The following ANXA4 variants were observed in gnomAD, a reference collection of about 807,000 sequenced individuals.
ANXA4 encodes 35-beta calcimedin.
In ANXA4, 39 loss-of-function variants were observed where a neutral mutation model predicts 49.8. That is an observed-to-expected ratio of 0.78 (90% CI 0.61 to 1.02). The LOEUF (loss-of-function observed/expected upper bound fraction) is 1.02. ANXA4 is among the 50% of genes least tolerant of loss of function. The pLI is 0.00. For synonymous variants in ANXA4, 134 were observed against 152.5 expected, an observed-to-expected ratio of 0.88 and a Z score of 0.89; for missense variants, 360 against 410.1, an observed-to-expected ratio of 0.88 and a Z score of 1.05.
chr2:69,673,235 G>A (rs1293439317), intron 2 of ANXA4, among the ~76,000 whole-genome samples: 3 of 152,134 alleles, frequency 2.0e-5, no homozygotes, highest in Non-Finnish European at 4.4e-5. Flanking sequence ...GTTCACAATA[G>A]CAAAGACTTG....
Position 69,720,513 on chromosome 2 carries a change from T to C in ANXA4, n.767-261T>C, listed in dbSNP as rs190765074. On this transcript the variant is annotated intron_variant and non_coding_transcript_variant, in intron 2 of 3. Coordinates refer to the ANXA4 transcript ENST00000418066. Reference sequence around the variant, plus strand: ...GGAGGGCTCTGCATGGGATGCAGCATGAAGGACCTTCCAAGAGTGCAAAGT... The same window carrying C: ...GGAGGGCTCTGCATGGGATGCAGCACGAAGGACCTTCCAAGAGTGCAAAGT... Among the ~76,000 whole-genome samples the C allele has an allele frequency of 2.0e-5, 3 of 152,280 alleles. No individual in the cohort carries two copies. The East Asian group carries it at 5.8e-4, about 29-fold the overall frequency.
intron 2 of ANXA4, among the ~76,000 whole-genome samples, chr2:69,668,161 A>G (rs1025090274): frequency 4.6e-5 from 7 of 152,216 alleles, no homozygotes; most frequent in African/African-American, 1.7e-4. Flanking sequence ...GGACCGGTTT[A>G]TAAGTCCATG....
intron 2 of ANXA4, among the ~76,000 whole-genome samples, chr2:69,783,806 T>G (rs1255833334): frequency 2.6e-5 from 4 of 152,138 alleles, no homozygotes; most frequent in African/African-American, 4.8e-5. Flanking sequence ...CTGTTCTGAG[T>G]GTTATCATAA....
chr2:69,650,049 C>G (rs34221149), intron 1 of ANXA4, among the ~76,000 whole-genome samples: 10,655 of 150,034 alleles, frequency 0.071, 1,098 homozygotes, highest in East Asian at 0.37. Flanking sequence ...GATTCTCCCA[C>G]CTCAGCCTCT....
intron 8 of ANXA4, chr2:69,815,866 C>G (rs1224649333): frequency 4.0e-6 from 2 of 502,116 alleles, no homozygotes; most frequent in African/African-American, 3.8e-5. Context: ...CATGTAGTCT[C>G]CAGCTAGGGA....
At chr2:69,806,305 G>T (rs1673439040) in intron 4 of ANXA4, 80 bp from the exon 5 acceptor site, 1 of 1,001,086 alleles carries the variant, frequency 1.0e-6, no homozygotes, top group Non-Finnish European at 1.6e-6. Flanking sequence ...GGAGACCCCA[G>T]ACATCCCTGG....
intron 12 of ANXA4, among the ~76,000 whole-genome samples, chr2:69,821,448 G>C (rs1440037545): frequency 1.1e-4 from 17 of 152,006 alleles, no homozygotes; most frequent in African/African-American, 2.2e-4. Context: ...GCTTGGAGAG[G>C]TGTGACAATT....
rs1045963597 is a variant in ANXA4 at position 69,652,611 on chromosome 2, C to T, written n.482-387C>T. On this transcript the variant is annotated intron_variant and non_coding_transcript_variant, in intron 1 of 3. Transcript: ENST00000418066. Reference sequence around the variant, plus strand: ...CGGTGGCTCATACCTGTAATCCCAGCACTTTGGGAGGCTGAGGCAGGCAGA... The same window carrying T: ...CGGTGGCTCATACCTGTAATCCCAGTACTTTGGGAGGCTGAGGCAGGCAGA... Among the ~76,000 whole-genome samples the T allele has an allele frequency of 2.0e-5, 3 of 152,126 alleles. No homozygotes were observed. In the South Asian group the frequency reaches 6.2e-4, roughly 32 times the overall value.
At position 69,788,039 on chromosome 2, in the gene ANXA4, C is replaced by G. The variant is rs376963585; in HGVS notation, c.10-15C>G. 9 of 1,611,058 alleles carry G rather than the reference C, an allele frequency of 5.6e-6. No homozygotes were observed. In the African/African-American group the frequency reaches 9.4e-5, roughly 17 times the overall value. The stretch of plus-strand genomic sequence containing the variant: ...GAGGCTGCCTCTCAGTAACATCACT[C>G]TCTTGTGTGCTCAGGCAACCAAAGG... On this transcript the variant is annotated splice_polypyrimidine_tract_variant and intron_variant, in intron 2 of 12. Transcript: ENST00000394295.
intron 2 of ANXA4, among the ~76,000 whole-genome samples, chr2:69,665,149 C>T (rs763345088): frequency 6.6e-6 from 1 of 152,000 alleles, no homozygotes; most frequent in Non-Finnish European, 1.5e-5. Context: ...CTTTCAAAAC[C>T]GCATCTTGAA....
intron 9 of ANXA4, 151 bp downstream of exon 9, chr2:69,816,345 G>T (rs1673993328): frequency 3.4e-6 from 2 of 587,054 alleles, no homozygotes; most frequent in Admixed American, 5.9e-5. Context: ...AAATGTATTA[G>T]TCCAATGATG....
At chr2:69,817,908 C>A (rs1263623194) in intron 9 of ANXA4, 1 of 152,194 alleles carries the variant, frequency 6.6e-6, no homozygotes, top group African/African-American at 2.4e-5. Flanking sequence ...GGGTCAACTG[C>A]TCACGTGTTT....
intron 2 of ANXA4, among the ~76,000 whole-genome samples, chr2:69,715,499 C>G (rs866733995): frequency 6.6e-6 from 1 of 152,214 alleles, no homozygotes; most frequent in Non-Finnish European, 1.5e-5. Context: ...TAAGCCATCA[C>G]GCCTGGCCAA....
At chr2:69,824,334 C>G (rs1181299775) in intron 12 of ANXA4, among the ~76,000 whole-genome samples, 1 of 151,724 alleles carries the variant, frequency 6.6e-6, no homozygotes, top group Non-Finnish European at 1.5e-5. Context: ...GAAACCCTGT[C>G]TCTACTAAAA....
chr2:69,682,504 T>C (rs1245690605), intron 2 of ANXA4, among the ~76,000 whole-genome samples: 1 of 152,166 alleles, frequency 6.6e-6, no homozygotes, highest in Admixed American at 6.5e-5. Flanking sequence ...ATTTCAAGCT[T>C]TTGGAATAGG....
chr2:69,741,991 C>G (rs1410985005), upstream of ANXA4: 1 of 152,262 alleles, frequency 6.6e-6, no homozygotes, highest in East Asian at 1.9e-4. Context: ...CGTCCCGGCC[C>G]GGGGCCCCAG....
upstream of ANXA4, among the ~76,000 whole-genome samples, chr2:69,741,209 T>C (rs912715425): frequency 1.3e-5 from 2 of 152,208 alleles, no homozygotes; most frequent in African/African-American, 4.8e-5. Flanking sequence ...AAACGGGCTA[T>C]TCTCTGTTTT....
At chr2:69,773,300 A>C (rs1225914847) in intron 1 of ANXA4, among the ~76,000 whole-genome samples, 1 of 152,180 alleles carries the variant, frequency 6.6e-6, no homozygotes, top group Non-Finnish European at 1.5e-5. Flanking sequence ...GTTCATATTA[A>C]AGCTTGCCTC....
At chr2:69,663,368 C>A (rs1316484176) in intron 2 of ANXA4, among the ~76,000 whole-genome samples, 1 of 124,732 alleles carries the variant, frequency 8.0e-6, no homozygotes, top group Non-Finnish European at 1.6e-5. Flanking sequence ...AGCCAAAGGT[C>A]ATCACAATAT....
Sources: gnomAD v4.1 joint callset for allele counts (sites outside exome capture counted in the v4.1 genomes callset) on GRCh38, gnomAD v4.1.1 for gene constraint, MANE v1.5 for transcripts, NCBI Gene and HGNC (gene_info 2026-07-23, HGNC 2026-07-21) for gene names.